ZNF292: variants seen among roughly 807,000 people sequenced by gnomAD.
ZNF292 encodes the protein zinc finger protein 292, also known as 16 zinc-finger domain protein.
ZNF292 carries 26 observed loss-of-function variants against 217.9 expected under a neutral mutation model. The observed-to-expected ratio is 0.12, with a 90% CI of 0.09 to 0.17. ZNF292 has a LOEUF of 0.17. Among genes scored for constraint, ZNF292 ranks in the 10% least tolerant of loss-of-function variants. The pLI, the probability that ZNF292 is intolerant of heterozygous loss-of-function variation, is 1.00. For missense variants in ZNF292, 2,904 were observed against 3,175.2 expected, an observed-to-expected ratio of 0.91 and a Z score of 2.05; for synonymous variants, 1,257 against 1,124.1, an observed-to-expected ratio of 1.12 and a Z score of -2.37.
Position 87,261,844 on chromosome 6 carries a change from A to C in ZNF292, c.*43A>C. On this transcript the variant is annotated 3_prime_UTR_variant, in exon 8 of 8. Coordinates refer to ENST00000369577, the MANE Select transcript of ZNF292 (RefSeq NM_015021.3). ...ATACATCATTTACCATTTTATTTTA[A>C]ATAGGAAGCCATCAAGCATGCTAGA... 1 of 1,312,392 alleles carries C rather than the reference A, an allele frequency of 7.6e-7. No homozygotes were observed. The highest frequency in any genetic ancestry group is 1.0e-6 in the Non-Finnish European group (1 of 977,856). 81.3% of individuals were successfully genotyped at this position (1,312,392 alleles called of 1,614,324 possible).
In ZNF292 at chr6:87,261,925, A is replaced by C; in HGVS notation, c.*124A>C. ...GTTGACATGAATTAACCTGGCCAAA[A>C]ACAAAAAAGAAAAAAAAAACATGAC... On this transcript the variant is annotated 3_prime_UTR_variant, in exon 8 of 8. Coordinates refer to ENST00000369577, the MANE Select transcript of ZNF292 (RefSeq NM_015021.3). 4.3e-6 allele frequency: 3 copies of C among 703,932 alleles called. No homozygotes were observed. Among genetic ancestry groups the C allele is most frequent in the Non-Finnish European group, 6.2e-6 (3 of 483,154 alleles). 43.6% of individuals were successfully genotyped at this position (703,932 alleles called of 1,614,324 possible).
intron 7 of ZNF292, among the ~76,000 whole-genome samples, chr6:87,252,242 C>G (rs1238193257): frequency 1.3e-5 from 2 of 151,840 alleles, no homozygotes; most frequent in Non-Finnish European, 2.9e-5. Flanking sequence ...ACCTCTGCCT[C>G]CCGTGTTCAA....
rs1360331047 is a variant in ZNF292 at position 87,257,235 on chromosome 6, A to G, written c.3606A>G (p.Pro1202=). 11 of 1,613,704 alleles carry G rather than the reference A, an allele frequency of 6.8e-6. No individual in the cohort carries two copies. The highest frequency in any genetic ancestry group is 6.7e-5 in the Admixed American group (4 of 59,928). ...CTCATTTAGCAAGTGTGTCAACTCC[A>G]TTGTTGTCCTCAATGGAAAGTGTCA... is the stretch of plus-strand genomic sequence containing the variant. ...FPAHLASVST[P]LLSSMESVIN... The change falls in exon 8 of 8, where the codon CCA becomes CCG. Residue 1202 remains proline, a synonymous_variant. Coordinates refer to ENST00000369577, the MANE Select transcript of ZNF292 (RefSeq NM_015021.3).
Position 87,261,297 on chromosome 6 carries a change from T to G in ZNF292, c.7668T>G (p.Ala2556=), listed in dbSNP as rs201538851. 6.2e-7 allele frequency: 1 copy of G among 1,613,264 alleles called. No homozygotes were observed. The highest frequency in any genetic ancestry group is 8.5e-7 in the Non-Finnish European group (1 of 1,179,630). Residue 2556 remains alanine, a synonymous_variant, in exon 8 of 8, where the codon GCT becomes GCG. Coordinates refer to ENST00000369577, the MANE Select transcript of ZNF292 (RefSeq NM_015021.3). ...AAAAAGCTGAACCAGCATCAGCAGC[T>G]GAGTTAAGTAGCGTGCGTAAAGAAG... is the stretch of plus-strand genomic sequence containing the variant. ...KVEKAEPASA[A]ELSSVRKEEE... is the part of the protein sequence containing the mutation.
intron 5 of ZNF292, among the ~76,000 whole-genome samples, chr6:87,236,902 C>T (rs1450322088): frequency 6.6e-6 from 1 of 152,126 alleles, no homozygotes; most frequent in Non-Finnish European, 1.5e-5. Flanking sequence ...GATTGGTAGA[C>T]ACTTACTTAT....
At chr6:87,193,697 T>C (rs1263645161) in intron 1 of ZNF292, among the ~76,000 whole-genome samples, 2 of 152,208 alleles carry the variant, frequency 1.3e-5, no homozygotes, top group Non-Finnish European at 2.9e-5. Context: ...CAGCTCAGTG[T>C]GCACAACCTT....
chr6:87,259,194 T>C lies in ZNF292; in HGVS notation c.5565T>C (p.Thr1855=), dbSNP rs1775419195. 4 of 1,613,642 alleles carry C rather than the reference T, an allele frequency of 2.5e-6. No homozygotes were observed. Among genetic ancestry groups the C allele is most frequent in the Non-Finnish European group, 2.5e-6 (3 of 1,179,700 alleles). The part of the protein sequence containing the change: ...QKLKLENDLS[T]PASQCVLINT... ...TAAAATTAGAAAATGACCTATCCAC[T>C]CCAGCATCCCAATGTGTACTGATAA... Residue 1855 remains threonine (T), a synonymous_variant, in exon 8 of 8, where the codon ACT becomes ACC. Coordinates refer to ENST00000369577, the MANE Select transcript of ZNF292 (RefSeq NM_015021.3).
intron 4 of ZNF292, among the ~76,000 whole-genome samples, chr6:87,228,035 G>C (rs1281951990): frequency 6.6e-6 from 1 of 152,034 alleles, no homozygotes; most frequent in African/African-American, 2.4e-5. Context: ...TTCCATAGAG[G>C]GTACATCATT....
At position 87,256,506 on chromosome 6, in the gene ZNF292, G is replaced by T; in HGVS notation, c.2877G>T (p.Val959=). The T allele has an allele frequency of 6.2e-7, 1 of 1,612,410 alleles. No homozygotes were observed. Residue 959 remains valine (V), a synonymous_variant, in exon 8 of 8, where the codon GTG becomes GTT. Coordinates refer to ENST00000369577, the MANE Select transcript of ZNF292 (RefSeq NM_015021.3). ...TTGGAAAGCAAGAAAACTCAACTGT[G>T]GAAGGCAGTGGTGAAGCACTGGTCA... ...DNFGKQENST[V]EGSGEALVTD... is the part of the protein sequence containing the mutation.
At chr6:87,244,041 A>G (rs865843437) in intron 6 of ZNF292, among the ~76,000 whole-genome samples, 15 of 131,804 alleles carry the variant, frequency 1.1e-4, no homozygotes, top group African/African-American at 3.7e-4. Context: ...ACTGAAGATC[A>G]GCTGCCTTAA....
intron 1 of ZNF292, among the ~76,000 whole-genome samples, chr6:87,160,665 A>G (rs1172252103): frequency 7.8e-6 from 1 of 128,636 alleles, no homozygotes; most frequent in Non-Finnish European, 1.6e-5. Flanking sequence ...GTATATATAC[A>G]TATATATGAT....
At chr6:87,181,921 T>C (rs566019660) in intron 1 of ZNF292, among the ~76,000 whole-genome samples, 1 of 152,242 alleles carries the variant, frequency 6.6e-6, no homozygotes, top group African/African-American at 2.4e-5. Flanking sequence ...TGACCTCAGG[T>C]GATCCGCCCA....
At chr6:87,224,471 CTG>C (rs1180614828) in intron 4 of ZNF292, among the ~76,000 whole-genome samples, 2 of 151,192 alleles carry the variant, frequency 1.3e-5, no homozygotes, top group South Asian at 2.1e-4. Flanking sequence ...AACAAAAAAA[CTG>C]TGTTTCATCT....
At chr6:87,216,998 ATT>A (rs1772819372) in intron 3 of ZNF292, among the ~76,000 whole-genome samples, 1 of 151,962 alleles carries the variant, frequency 6.6e-6, no homozygotes, top group African/African-American at 2.4e-5. Context: ...AGAATGTTAA[ATT>A]TTGTTTCAAC....
chr6:87,216,398 A>T (rs771950545), intron 3 of ZNF292, 21 bp downstream of exon 3: 18 of 1,519,516 alleles, frequency 1.2e-5, no homozygotes, highest in Non-Finnish European at 1.6e-5. Flanking sequence ...TTATCTTTAG[A>T]TTTAATACAG....
intron 1 of ZNF292, among the ~76,000 whole-genome samples, chr6:87,197,421 GT>G (rs71014999): frequency 0.61 from 86,499 of 141,520 alleles, 26,917 homozygotes; most frequent in African/African-American, 0.79. Flanking sequence ...TAACATTTGG[GT>G]TTTTTTTTTT....
At chr6:87,157,048 C>T (rs1190357344) in intron 1 of ZNF292, among the ~76,000 whole-genome samples, 1 of 152,174 alleles carries the variant, frequency 6.6e-6, no homozygotes, top group Non-Finnish European at 1.5e-5. Flanking sequence ...ATTACATTTT[C>T]ACTTATTTTT....
rs1460843911 is a variant in ZNF292 at position 87,262,565 on chromosome 6, C to G, written c.*764C>G. The G allele has an allele frequency of 6.6e-6, 1 of 150,380 alleles. No individual in the cohort carries two copies. Among genetic ancestry groups the G allele is most frequent in the Non-Finnish European group, 1.5e-5 (1 of 67,630 alleles). 9.3% of individuals were successfully genotyped at this position (150,380 alleles called of 1,614,324 possible). A position where few individuals can be genotyped will look rare whatever the true frequency, so the allele number is the denominator to read the frequency against. ...ATAGTTACTATGAGTCCATGAAATA[C>G]AATGGAAATGTGAATAAAGAATTTA... On this transcript the variant is annotated 3_prime_UTR_variant, in exon 8 of 8. Transcript: ENST00000369577.
chr6:87,255,461 G>C lies in ZNF292; in HGVS notation c.1832G>C (p.Arg611Thr), dbSNP rs1280021381. 1.9e-6 allele frequency: 3 copies of C among 1,613,540 alleles called. No homozygotes were observed. The Admixed American group carries it at 5.0e-5, about 27-fold the overall frequency. The change falls in exon 8 of 8, where the codon AGG (arginine) becomes ACG (threonine). Residue 611 changes from arginine (R) to threonine (T), a missense_variant. Around this residue, in one of 15 missense-constraint regions of ZNF292, gnomAD observed 216 missense variants for 308.3 expected, o/e 0.70. Transcript: ENST00000369577. ...AAMKPLRRLG[R>T]PPKITTTNEN... ...ATGAAACCATTAAGAAGATTGGGAA[G>C]GCCTCCAAAGATCACAACTACCAAT... is the stretch of plus-strand genomic sequence containing the variant.
Sources: gnomAD v4.1 joint callset for allele counts (sites outside exome capture counted in the v4.1 genomes callset) on GRCh38, gnomAD v4.1.1 for gene constraint, gnomAD v4.1.1 regional missense constraint, MANE v1.5 for transcripts, NCBI Gene and HGNC (gene_info 2026-07-23, HGNC 2026-07-21) for gene names.